PTPRG: variants seen among roughly 807,000 people sequenced by gnomAD.
The protein encoded by PTPRG is receptor-type tyrosine-protein phosphatase gamma.
A neutral mutation model predicts 165.3 loss-of-function variants in PTPRG; 102 were observed. The ratio of observed to expected loss-of-function variants is 0.62; its 90% CI spans 0.53 to 0.73. PTPRG has a LOEUF of 0.73. PTPRG is among the 30% of genes least tolerant of loss of function. The pLI, the probability that PTPRG is intolerant of heterozygous loss-of-function variation, is 0.00. For missense variants in PTPRG, 1,866 were observed against 1,861.4 expected (o/e 1.00, Z -0.05); for synonymous variants, 675 against 669.5 (o/e 1.01, Z -0.13).
intron 1 of PTPRG, among the ~76,000 whole-genome samples, chr3:61,653,895 G>A (rs1702432790): frequency 1.4e-5 from 1 of 71,180 alleles, no homozygotes; most frequent in East Asian, 3.6e-4. Context: ...TAAGCGGGGA[G>A]CGGTGGGGGG....
At chr3:61,838,023 C>T (rs1024869803) in intron 2 of PTPRG, among the ~76,000 whole-genome samples, 4 of 152,208 alleles carry the variant, frequency 2.6e-5, no homozygotes, top group African/African-American at 9.6e-5. Context: ...TTTAAAAACC[C>T]TGTCTCCAAA....
intron 17 of PTPRG, among the ~76,000 whole-genome samples, chr3:62,264,621 A>G (rs1478324767): frequency 6.6e-6 from 1 of 152,148 alleles, no homozygotes; most frequent in African/African-American, 2.4e-5. Context: ...CCATATATCA[A>G]TACTTCATTC....
At chr3:61,887,032 C>T (rs1030330719) in intron 2 of PTPRG, among the ~76,000 whole-genome samples, 3 of 149,186 alleles carry the variant, frequency 2.0e-5, no homozygotes, top group Non-Finnish European at 3.0e-5. Flanking sequence ...TTGTGTGCGC[C>T]ACTAGTAAGA....
At chr3:61,866,158 G>T (rs2037402658) in intron 2 of PTPRG, among the ~76,000 whole-genome samples, 1 of 152,176 alleles carries the variant, frequency 6.6e-6, no homozygotes, top group East Asian at 1.9e-4. Flanking sequence ...CTGCATCCAG[G>T]AATGGGCTGA....
At chr3:62,081,286 A>T (rs1701570001) in intron 5 of PTPRG, among the ~76,000 whole-genome samples, 1 of 151,100 alleles carries the variant, frequency 6.6e-6, no homozygotes. Flanking sequence ...ACAAACAAAC[A>T]AACAAACAAA....
At chr3:62,070,052 C>T (rs1701159681) in intron 4 of PTPRG, among the ~76,000 whole-genome samples, 1 of 151,610 alleles carries the variant, frequency 6.6e-6, no homozygotes, top group African/African-American at 2.4e-5. Flanking sequence ...AACAAAATAC[C>T]CAGAGTGTTT....
chr3:62,075,518 A>G (rs1182552289), intron 4 of PTPRG, among the ~76,000 whole-genome samples: 1 of 152,232 alleles, frequency 6.6e-6, no homozygotes, highest in East Asian at 1.9e-4. Context: ...GTGCAAATTT[A>G]CAGTCTTAGG....
intron 5 of PTPRG, among the ~76,000 whole-genome samples, chr3:62,128,635 CTG>C (rs1190255309): frequency 6.6e-6 from 1 of 151,006 alleles, no homozygotes; most frequent in African/African-American, 2.4e-5. Flanking sequence ...CATTATGAGA[CTG>C]TATCCCCATT....
At chr3:61,799,748 C>T (rs2035175639) in intron 2 of PTPRG, among the ~76,000 whole-genome samples, 1 of 152,184 alleles carries the variant, frequency 6.6e-6, no homozygotes, top group Non-Finnish European at 1.5e-5. Flanking sequence ...GTTTGCCCCC[C>T]ACCATACTGT....
At chr3:61,718,371 A>C (rs1575608011) in intron 1 of PTPRG, among the ~76,000 whole-genome samples, 1 of 152,328 alleles carries the variant, frequency 6.6e-6, no homozygotes, top group East Asian at 1.9e-4. Flanking sequence ...GGTCCATAGA[A>C]ATGAATGGAA....
At chr3:61,637,144 C>T (rs1575554854) in intron 1 of PTPRG, among the ~76,000 whole-genome samples, 1 of 152,128 alleles carries the variant, frequency 6.6e-6, no homozygotes, top group African/African-American at 2.4e-5. Context: ...TATTCATATG[C>T]AATATTTTCA....
chr3:61,579,586 G>GT (rs1376856415), intron 1 of PTPRG, among the ~76,000 whole-genome samples: 3 of 152,232 alleles, frequency 2.0e-5, no homozygotes, highest in African/African-American at 7.2e-5. Flanking sequence ...AATTTGCCCT[G>GT]TATCACGTAA....
chr3:61,972,815 G>C (rs1463367490), intron 2 of PTPRG, among the ~76,000 whole-genome samples: 1 of 111,178 alleles, frequency 9.0e-6, no homozygotes, highest in Non-Finnish European at 1.7e-5. Context: ...ACCATGCCCA[G>C]CTAATTTTTA....
At chr3:62,016,550 A>G (rs533150935) in intron 4 of PTPRG, among the ~76,000 whole-genome samples, 2 of 152,134 alleles carry the variant, frequency 1.3e-5, no homozygotes, top group South Asian at 4.2e-4. Flanking sequence ...TTTCTTTTCC[A>G]CTATTTCTAC....
chr3:61,593,998 G>T (rs1433539518), intron 1 of PTPRG, among the ~76,000 whole-genome samples: 1 of 152,100 alleles, frequency 6.6e-6, no homozygotes, highest in East Asian at 1.9e-4. Flanking sequence ...AAAATAAAAC[G>T]CATCTCAGGA....
At chr3:61,927,878 T>A (rs1453188094) in intron 2 of PTPRG, among the ~76,000 whole-genome samples, 1 of 152,208 alleles carries the variant, frequency 6.6e-6, no homozygotes, top group Non-Finnish European at 1.5e-5. Context: ...ATTGTTTGAT[T>A]GGTAAAGGTG....
intron 8 of PTPRG, among the ~76,000 whole-genome samples, chr3:62,171,147 G>A (rs891420434): frequency 2.0e-5 from 3 of 152,098 alleles, no homozygotes; most frequent in African/African-American, 7.2e-5. Flanking sequence ...GATTATACCT[G>A]AATATATTTA....
chr3:61,877,538 T>C (rs2037776682), intron 2 of PTPRG, among the ~76,000 whole-genome samples: 1 of 152,222 alleles, frequency 6.6e-6, no homozygotes, highest in Non-Finnish European at 1.5e-5. Flanking sequence ...AAATTTATCA[T>C]AATTGAGTGG....
chr3:61,898,614 C>A (rs1023126774), intron 2 of PTPRG, among the ~76,000 whole-genome samples: 1 of 152,142 alleles, frequency 6.6e-6, no homozygotes, highest in Admixed American at 6.5e-5. Flanking sequence ...GGTTACATTG[C>A]GTTGTTTTGC....
Sources: gnomAD v4.1 joint callset for allele counts (sites outside exome capture counted in the v4.1 genomes callset) on GRCh38, gnomAD v4.1.1 for gene constraint, MANE v1.5 for transcripts, NCBI Gene and HGNC (gene_info 2026-07-23, HGNC 2026-07-21) for gene names.